The following USP18 variants were observed in gnomAD, a reference collection of about 807,000 sequenced individuals.
The protein encoded by USP18 is ubl carboxyl-terminal hydrolase 18.
Under a neutral mutation model 48.7 loss-of-function variants are expected in USP18, and 11 were observed. The ratio of observed to expected loss-of-function variants is 0.23; its 90% confidence interval spans 0.14 to 0.37. USP18 has a LOEUF of 0.37. Among genes scored for constraint, USP18 ranks in the 10% least tolerant of loss-of-function variants. The pLI, the probability that USP18 is intolerant of heterozygous loss-of-function variation, is 1.00. For missense variants in USP18, 285 were observed against 436.4 expected (o/e 0.65, Z 3.09); for synonymous variants, 114 against 163.2 (o/e 0.70, Z 2.30).
intron 1 of USP18, among the ~76,000 whole-genome samples, chr22:18,156,886 C>T (rs5993021): frequency 0.02 from 3,122 of 152,344 alleles, 45 homozygotes; most frequent in Middle Eastern, 0.034. Context: ...GGTTCCAAGG[C>T]GAAGTACTCC....
At chr22:18,168,244 G>A (rs1188779491) in intron 6 of USP18, among the ~76,000 whole-genome samples, 2 of 152,176 alleles carry the variant, frequency 1.3e-5, no homozygotes, top group African/African-American at 2.4e-5. Context: ...ATCACATGGC[G>A]AGGGGGCTGA....
At position 18,167,394 on chromosome 22, in the gene USP18, G is replaced by T. The variant is rs368055536; in HGVS notation, c.480+60G>T. ...AGATGCTGCTCATTTCACTCATTCA[G>T]CTGTTGTTCCCGTAGTGTGTAGAGG... On this transcript the variant is annotated intron_variant, in intron 5 of 10. Coordinates refer to ENST00000215794, the MANE Select transcript of USP18 (RefSeq NM_017414.4). 3.2e-5 allele frequency: 51 copies of T among 1,596,374 alleles called. No individual in the cohort carries two copies. The African/African-American group carries it at 6.7e-4, about 21-fold the overall frequency.
chr22:18,155,883 C>G (rs1005153298), intron 1 of USP18, among the ~76,000 whole-genome samples: 6 of 152,250 alleles, frequency 3.9e-5, no homozygotes, highest in Non-Finnish European at 8.8e-5. Flanking sequence ...GCGCACGGCG[C>G]GGGACTGGCA....
intron 4 of USP18, among the ~76,000 whole-genome samples, chr22:18,164,898 AG>A (rs1929435290): frequency 6.6e-6 from 1 of 152,044 alleles, no homozygotes; most frequent in South Asian, 2.1e-4. Context: ...AGCTGGGAGT[AG>A]GGATTCCTTC....
intron 8 of USP18, 122 bp from the exon 9 acceptor site, chr22:18,173,028 G>A: frequency 1.9e-6 from 3 of 1,538,596 alleles, no homozygotes; most frequent in Non-Finnish European, 2.6e-6. Context: ...CTGGCTGTGG[G>A]TCGGGACTGT....
At chr22:18,166,537 G>A (rs1487938853) in intron 4 of USP18, among the ~76,000 whole-genome samples, 1 of 151,394 alleles carries the variant, frequency 6.6e-6, no homozygotes, top group Non-Finnish European at 1.5e-5. Context: ...TTTAGATAAT[G>A]TAAGGTGGCA....
intron 1 of USP18, among the ~76,000 whole-genome samples, chr22:18,155,820 C>T (rs911832155): frequency 2.3e-4 from 35 of 152,246 alleles, no homozygotes; most frequent in Non-Finnish European, 4.0e-4. Flanking sequence ...CAGCGCCGCT[C>T]CCGGCTCCAC....
chr22:18,156,999 A>T (rs1929173442), intron 1 of USP18, among the ~76,000 whole-genome samples: 1 of 152,198 alleles, frequency 6.6e-6, no homozygotes, highest in Non-Finnish European at 1.5e-5. Context: ...AGGCTGAGAC[A>T]ATATTGAGTC....
At chr22:18,164,950 C>T (rs577879321) in intron 4 of USP18, among the ~76,000 whole-genome samples, 2 of 152,096 alleles carry the variant, frequency 1.3e-5, no homozygotes, top group Non-Finnish European at 2.9e-5. Context: ...GCTTGTGGTG[C>T]GAGTGTGTCT....
intron 9 of USP18, 111 bp downstream of exon 9, chr22:18,173,392 G>C: frequency 4.7e-6 from 7 of 1,481,574 alleles, no homozygotes. Flanking sequence ...TGATCCTGCT[G>C]TCTGGGTGTG....
chr22:18,152,247 CAG>C (rs1246860107), intron 1 of USP18, among the ~76,000 whole-genome samples: 2 of 152,090 alleles, frequency 1.3e-5, no homozygotes, highest in South Asian at 2.1e-4. Context: ...GCTTTCCTGG[CAG>C]AGAGTCCAGT....
intron 9 of USP18, 117 bp downstream of exon 9, chr22:18,173,398 G>C: frequency 6.9e-7 from 1 of 1,444,440 alleles, no homozygotes; most frequent in Non-Finnish European, 9.3e-7. Flanking sequence ...TGCTGTCTGG[G>C]TGTGGGGCCT....
intron 8 of USP18, among the ~76,000 whole-genome samples, chr22:18,171,548 C>T (rs1929625092): frequency 6.6e-6 from 1 of 151,536 alleles, no homozygotes; most frequent in South Asian, 2.1e-4. Context: ...TGGAGGATCA[C>T]TTGAGCCCAG....
chr22:18,155,034 G>A (rs73378804), intron 1 of USP18, among the ~76,000 whole-genome samples: 2,529 of 152,312 alleles, frequency 0.017, 72 homozygotes, highest in African/African-American at 0.057. Context: ...GAATTCTTTG[G>A]CCACTGAGGC....
At chr22:18,156,700 C>G (rs1239424214) in intron 1 of USP18, among the ~76,000 whole-genome samples, 1 of 152,220 alleles carries the variant, frequency 6.6e-6, no homozygotes, top group African/African-American at 2.4e-5. Flanking sequence ...AGCTTCACTC[C>G]TGAGCTAGCG....
intron 7 of USP18, among the ~76,000 whole-genome samples, chr22:18,170,320 G>C (rs1187577571): frequency 6.6e-6 from 1 of 152,196 alleles, no homozygotes; most frequent in African/African-American, 2.4e-5. Flanking sequence ...GACACCCCAT[G>C]GTGGGTGAGA....
At chr22:18,169,696 C>T in intron 6 of USP18, 148 bp from the exon 7 acceptor site, 1 of 1,025,970 alleles carries the variant, frequency 9.7e-7, no homozygotes, top group Non-Finnish European at 1.4e-6. Context: ...TCCGGTTGGC[C>T]TGCAGAACCA....
chr22:18,161,138 C>G (rs1395567963), intron 3 of USP18, among the ~76,000 whole-genome samples: 1 of 151,814 alleles, frequency 6.6e-6, no homozygotes, highest in Non-Finnish European at 1.5e-5. Flanking sequence ...CAGCCACTGA[C>G]TTGGTTAAAA....
At chr22:18,157,344 G>A (rs1929187039) in intron 1 of USP18, among the ~76,000 whole-genome samples, 1 of 152,180 alleles carries the variant, frequency 6.6e-6, no homozygotes. Flanking sequence ...TCCCGGTTAG[G>A]ATTTGGCAGT....
Sources: allele counts gnomAD v4.1 joint callset (sites outside exome capture counted in the v4.1 genomes callset), GRCh38; gene constraint gnomAD v4.1.1; transcripts MANE v1.5; gene names NCBI Gene and HGNC (gene_info 2026-07-23, HGNC 2026-07-21).